The following DPP10 variants were observed in gnomAD, a reference collection of about 807,000 sequenced individuals.
The protein encoded by DPP10 is dipeptidyl peptidase like 10.
In DPP10, 33 loss-of-function variants were observed where a neutral mutation model predicts 120.9. The ratio of observed to expected loss-of-function variants is 0.27; its 90% CI spans 0.21 to 0.37. DPP10 has a LOEUF of 0.37. Among genes scored for constraint, DPP10 ranks in the 10% least tolerant of loss-of-function variants. DPP10 has a pLI of 1.00. For missense variants in DPP10, 816 were observed against 942.8 expected (o/e 0.87, Z 1.76); for synonymous variants, 337 against 326.1 (o/e 1.03, Z -0.36).
intron 1 of DPP10, among the ~76,000 whole-genome samples, chr2:115,211,002 G>A (rs1183622860): frequency 6.6e-6 from 1 of 151,944 alleles, no homozygotes; most frequent in Non-Finnish European, 1.5e-5. Flanking sequence ...ATGTTTTAAG[G>A]TAATTTGTTT....
chr2:115,333,072 A>C (rs1574459495), intron 2 of DPP10, among the ~76,000 whole-genome samples: 1 of 151,680 alleles, frequency 6.6e-6, no homozygotes, highest in Non-Finnish European at 1.5e-5. Context: ...CTCTTTGTAG[A>C]TCTCTAAGGA....
At chr2:115,799,513 C>A (rs1052997417) in intron 19 of DPP10, among the ~76,000 whole-genome samples, 1 of 151,464 alleles carries the variant, frequency 6.6e-6, no homozygotes, top group Non-Finnish European at 1.5e-5. Context: ...ATACATGTGC[C>A]ATGTTGGTGT....
At chr2:115,736,805 G>A (rs1415410807) in intron 8 of DPP10, among the ~76,000 whole-genome samples, 1 of 152,200 alleles carries the variant, frequency 6.6e-6, no homozygotes, top group Non-Finnish European at 1.5e-5. Flanking sequence ...TGACGGACAT[G>A]TACTTGGCAG....
intron 3 of DPP10, among the ~76,000 whole-genome samples, chr2:115,418,123 G>A (rs1377435583): frequency 6.6e-6 from 1 of 152,178 alleles, no homozygotes; most frequent in Admixed American, 6.5e-5. Flanking sequence ...CAAAGGTAGA[G>A]TTGAGAGCAT....
intron 1 of DPP10, among the ~76,000 whole-genome samples, chr2:115,019,229 G>A (rs1356125840): frequency 6.6e-6 from 1 of 151,864 alleles, no homozygotes; most frequent in Non-Finnish European, 1.5e-5. Flanking sequence ...CAAACTGCAA[G>A]CACCTGTTAA....
chr2:115,648,496 G>A (rs1357106239), intron 5 of DPP10, among the ~76,000 whole-genome samples: 3 of 151,524 alleles, frequency 2.0e-5, no homozygotes, highest in Non-Finnish European at 4.4e-5. Context: ...AAATGAATAC[G>A]TATTTCAAAT....
intron 1 of DPP10, among the ~76,000 whole-genome samples, chr2:114,476,960 T>A (rs182911828): frequency 3.5e-4 from 53 of 151,054 alleles, no homozygotes; most frequent in African/African-American, 1.2e-3. Context: ...TTATAAAAAT[T>A]GATTCTTTTT....
chr2:115,371,336 C>T (rs1218173667), intron 3 of DPP10, among the ~76,000 whole-genome samples: 1 of 152,150 alleles, frequency 6.6e-6, no homozygotes, highest in East Asian at 1.9e-4. Flanking sequence ...GAGTCTCTTA[C>T]AAAATGTAGC....
At chr2:115,633,833 T>G (rs1558956045) in intron 5 of DPP10, among the ~76,000 whole-genome samples, 1 of 152,294 alleles carries the variant, frequency 6.6e-6, no homozygotes, top group East Asian at 1.9e-4. Flanking sequence ...TCACCTGTCT[T>G]GGTAGGTTGA....
intron 1 of DPP10, among the ~76,000 whole-genome samples, chr2:114,444,588 T>C (rs551321910): frequency 1.4e-5 from 2 of 146,270 alleles, no homozygotes; most frequent in Non-Finnish European, 3.0e-5. Flanking sequence ...GAAAAAAAAA[T>C]GTTTCTAGTG....
chr2:115,433,314 A>T (rs1471360474), intron 3 of DPP10, among the ~76,000 whole-genome samples: 3 of 152,098 alleles, frequency 2.0e-5, no homozygotes, highest in Non-Finnish European at 4.4e-5. Flanking sequence ...ATATATTTAC[A>T]GTCAATTAAA....
intron 5 of DPP10, among the ~76,000 whole-genome samples, chr2:115,673,397 CTCTA>C (rs1218516831): frequency 6.6e-6 from 1 of 152,032 alleles, no homozygotes; most frequent in East Asian, 1.9e-4. Context: ...AAGAAATATT[CTCTA>C]TCTGCCTGTT....
chr2:115,229,689 C>CCTATT (rs58625775), intron 1 of DPP10, among the ~76,000 whole-genome samples: 17,707 of 139,644 alleles, frequency 0.13, 1,201 homozygotes, highest in African/African-American at 0.13. Context: ...TCTGAGTTCT[C>CCTATT]CTATTCTATT....
chr2:115,218,602 G>A (rs1353699549), intron 1 of DPP10, among the ~76,000 whole-genome samples: 2 of 152,084 alleles, frequency 1.3e-5, no homozygotes, highest in African/African-American at 4.8e-5. Flanking sequence ...CATTGCATCA[G>A]GCTATAGCTT....
chr2:115,576,483 G>T (rs35094031), intron 5 of DPP10, among the ~76,000 whole-genome samples: 55,463 of 151,974 alleles, frequency 0.36, 10,642 homozygotes, highest in African/African-American at 0.46. Flanking sequence ...TATGAAAATT[G>T]CTTCATTTAA....
chr2:115,631,767 T>C (rs1336504860), intron 5 of DPP10, among the ~76,000 whole-genome samples: 3 of 152,190 alleles, frequency 2.0e-5, no homozygotes, highest in African/African-American at 7.2e-5. Flanking sequence ...GGCACTGTGG[T>C]CTGAGAGACT....
At chr2:115,308,805 C>T (rs1248141316) in intron 1 of DPP10, among the ~76,000 whole-genome samples, 6 of 150,866 alleles carry the variant, frequency 4.0e-5, no homozygotes, top group African/African-American at 2.4e-5. Flanking sequence ...ATGATTTTCC[C>T]ATTTCTAGTC....
In DPP10 at chr2:115,718,625, A is replaced by G. The variant is rs149945462; in HGVS notation, c.577-9191A>G. 2.9e-3 allele frequency among the ~76,000 whole-genome samples: 437 copies of G among 152,164 alleles called. 1 individual carries two copies. The highest frequency in any genetic ancestry group is 5.1e-3 in the Non-Finnish European group (349 of 67,992). On this transcript the variant is annotated intron_variant, in intron 7 of 25. Transcript: ENST00000410059. ...TTCTCCTAAATTAATGCCCTCATCC[A>G]TTGGTTTTATTTTTCCTTATTCTCC...
In DPP10 at chr2:115,551,563, C is replaced by T. The variant is rs574028842; in HGVS notation, c.441+25591C>T. On this transcript the variant is annotated intron_variant, in intron 5 of 25. Transcript: ENST00000410059. ...GTATTCCATGATGAATTTCAAGATG[C>T]TCATGTTGATTTTTCTTACATTTCT... 4.6e-5 allele frequency among the ~76,000 whole-genome samples: 7 copies of T among 152,222 alleles called. No homozygotes were observed. The South Asian group carries it at 6.2e-4, about 14-fold the overall frequency.
Sources: gnomAD v4.1 joint callset for allele counts (sites outside exome capture counted in the v4.1 genomes callset) on GRCh38, gnomAD v4.1.1 for gene constraint, MANE v1.5 for transcripts, NCBI Gene and HGNC (gene_info 2026-07-23, HGNC 2026-07-21) for gene names.